PROSER1: variants seen among roughly 807,000 people sequenced by gnomAD.
PROSER1 encodes proline and serine rich 1.
PROSER1 carries 36 observed loss-of-function variants against 71.8 expected under a neutral mutation model. The ratio of observed to expected loss-of-function variants is 0.50; its 90% confidence interval spans 0.38 to 0.66. The LOEUF (loss-of-function observed/expected upper bound fraction) is 0.66. PROSER1 is among the 30% of genes least tolerant of loss of function. The pLI, the probability that PROSER1 is intolerant of heterozygous loss-of-function variation, is 0.00. For synonymous variants in PROSER1, 490 were observed against 452.4 expected, an observed-to-expected ratio of 1.08 and a Z score of -1.06; for missense variants, 1,107 against 1,135.0, an observed-to-expected ratio of 0.98 and a Z score of 0.35.
chr13:39,034,298 G>A, intron 1 of PROSER1, 102 bp from the exon 2 acceptor site: 1 of 842,650 alleles, frequency 1.2e-6, no homozygotes, highest in Non-Finnish European at 1.8e-6. Flanking sequence ...ACTCAACAGT[G>A]GCAGGTCTAC....
chr13:39,022,963 T>G, intron 8 of PROSER1, 89 bp downstream of exon 8: 1 of 1,086,222 alleles, frequency 9.2e-7, no homozygotes, highest in South Asian at 1.4e-5. Flanking sequence ...TGCTACAGAT[T>G]TGCCAACCAC....
chr13:39,035,952 A>G (rs1376125547), intron 1 of PROSER1, among the ~76,000 whole-genome samples: 2 of 152,242 alleles, frequency 1.3e-5, no homozygotes, highest in Admixed American at 1.3e-4. Flanking sequence ...TGTGAACAAC[A>G]CTTTCATATC....
chr13:39,023,016 A>G, intron 8 of PROSER1, 36 bp downstream of exon 8: 2 of 1,554,648 alleles, frequency 1.3e-6, no homozygotes, highest in Non-Finnish European at 1.8e-6. Flanking sequence ...AAACAGCAAA[A>G]AAGAAAAACA....
At chr13:39,015,305 C>G (rs1869957186) in intron 10 of PROSER1, among the ~76,000 whole-genome samples, 1 of 152,018 alleles carries the variant, frequency 6.6e-6, no homozygotes, top group Admixed American at 6.6e-5. Context: ...ATGTGGGCTC[C>G]CCTCTGAATG....
At chr13:39,016,880 T>C (rs1045106227) in intron 10 of PROSER1, among the ~76,000 whole-genome samples, 12 of 152,218 alleles carry the variant, frequency 7.9e-5, no homozygotes, top group Non-Finnish European at 1.2e-4. Context: ...GCTATTGTGC[T>C]ACTTTGCTAA....
rs1295510466 is a variant in PROSER1 at position 39,010,728 on chromosome 13, T to C, written c.*637A>G. Reference sequence around the variant, plus strand: ...TTCTATAAGGATGCAGTTCTGGATATATACTTTCAGTTGAAAACACCTGAA... The same window carrying C: ...TTCTATAAGGATGCAGTTCTGGATACATACTTTCAGTTGAAAACACCTGAA... On this transcript the variant is annotated 3_prime_UTR_variant, in exon 13 of 13. Transcript: ENST00000352251. 1 of 152,690 alleles carries C rather than the reference T, an allele frequency of 6.5e-6. No homozygotes were observed. The highest frequency in any genetic ancestry group is 1.5e-5 in the Non-Finnish European group (1 of 68,070). The allele number at this position is 152,690 out of a possible 1,614,324, so 9.5% of individuals were successfully genotyped here. A position where few individuals can be genotyped will look rare whatever the true frequency, so the allele number is the denominator to read the frequency against.
Position 39,029,303 on chromosome 13 carries a change from C to T in PROSER1, c.253G>A (p.Val85Ile). ...TACGAGGCTAACAGTTCAAGAGCAA[C>T]TAGTTTGTCTTTACTGAAAGTGAAA... is the stretch of plus-strand genomic sequence containing the variant. ...NCFTFSKDKL[V>I]ALELLASNII... The change falls in exon 4 of 13, where the codon GTT (valine) becomes ATT (isoleucine). Residue 85 changes from valine to isoleucine, a missense_variant. Val to Ile is a conservative substitution (Grantham distance 29, BLOSUM62 3). Coordinates refer to ENST00000352251, the MANE Select transcript of PROSER1 (RefSeq NM_025138.5). 7.5e-7 allele frequency: 1 copy of T among 1,342,094 alleles called. No homozygotes were observed. The highest frequency in any genetic ancestry group is 1.9e-4 in the Middle Eastern group (1 of 5,130). The allele number at this position is 1,342,094 out of a possible 1,614,324, so 83.1% of individuals were successfully genotyped here.
At chr13:39,026,780 T>G (rs1870565634) in intron 5 of PROSER1, among the ~76,000 whole-genome samples, 1 of 152,150 alleles carries the variant, frequency 6.6e-6, no homozygotes, top group East Asian at 1.9e-4. Context: ...AGAAACATGG[T>G]CCCTGCTCTT....
chr13:39,014,378 T>C lies in PROSER1; in HGVS notation c.874A>G (p.Ile292Val). Reference sequence around the variant, plus strand: ...GCTGCTGATGCTGATGGATGATTAATTGCCTTGACTGGGGATGCAGTAGGA... The same window carrying C: ...GCTGCTGATGCTGATGGATGATTAACTGCCTTGACTGGGGATGCAGTAGGA... ...PVPTASPVKA[I>V]NHPSASAAAT... Residue 292 changes from isoleucine to valine, a missense_variant, in exon 11 of 13, where the codon ATT (isoleucine) becomes GTT (valine). Physicochemically the swap from Ile to Val is conservative, Grantham distance 29. Transcript: ENST00000352251. The C allele has an allele frequency of 6.2e-7, 1 of 1,613,978 alleles. No individual in the cohort carries two copies. The highest frequency in any genetic ancestry group is 2.2e-5 in the East Asian group (1 of 44,868).
intron 3 of PROSER1, 38 bp downstream of exon 3, chr13:39,031,525 T>G: frequency 2.8e-6 from 4 of 1,438,270 alleles, no homozygotes; most frequent in East Asian, 2.3e-5. Flanking sequence ...TAAAAATACT[T>G]AAATTCTACG....
At chr13:39,027,108 T>C (rs943388883) in intron 5 of PROSER1, among the ~76,000 whole-genome samples, 1 of 152,100 alleles carries the variant, frequency 6.6e-6, no homozygotes, top group Non-Finnish European at 1.5e-5. Flanking sequence ...ATATATATAT[T>C]CACAAGTATG....
At chr13:39,035,523 C>T (rs1871058243) in intron 1 of PROSER1, among the ~76,000 whole-genome samples, 1 of 152,208 alleles carries the variant, frequency 6.6e-6, no homozygotes, top group African/African-American at 2.4e-5. Flanking sequence ...CAAATAATGA[C>T]TGGAGAAAGT....
At chr13:39,035,709 T>C (rs1292894560) in intron 1 of PROSER1, among the ~76,000 whole-genome samples, 7 of 152,216 alleles carry the variant, frequency 4.6e-5, no homozygotes, top group Admixed American at 4.6e-4. Flanking sequence ...ATCAGTATTA[T>C]CTATCATATA....
At position 39,014,428 on chromosome 13, in the gene PROSER1, G is replaced by A. The variant is rs141612774; in HGVS notation, c.824C>T (p.Pro275Leu). The A allele has an allele frequency of 4.3e-5, 70 of 1,613,772 alleles. 1 individual carries two copies. In the African/African-American group the frequency reaches 8.6e-4, roughly 20 times the overall value. The change falls in exon 11 of 13, where the codon CCT becomes CTT. Residue 275 changes from proline (P) to leucine (L), a missense_variant. Physicochemically the swap from Pro to Leu is moderately conservative, Grantham distance 98. Transcript: ENST00000352251. ...SQLFSPHGSNPSTPAATPVPT... is the reference protein window; with the variant it reads ...SQLFSPHGSNLSTPAATPVPT... ...AACAGGAGTTGCAGCAGGTGTTGAA[G>A]GATTAGAACCATGAGGAGAAAAGAG... is the stretch of plus-strand genomic sequence containing the variant.
chr13:39,014,784 AT>A (rs1438906909), intron 10 of PROSER1, among the ~76,000 whole-genome samples: 4 of 152,170 alleles, frequency 2.6e-5, no homozygotes, highest in African/African-American at 9.7e-5. Context: ...ATTTATTTTA[AT>A]TGTGATTAGT....
In PROSER1 at chr13:39,024,579, G is replaced by GT. The variant is rs1181001324; in HGVS notation, c.481-24dup. On this transcript the variant is annotated intron_variant, in intron 6 of 12. Coordinates refer to ENST00000352251, the MANE Select transcript of PROSER1 (RefSeq NM_025138.5). The stretch of plus-strand genomic sequence containing the variant: ...TCCCTATTAAAAAAAAAAAAAAAAG[G>GT]TAATTGAAACTTAAAAAAAAAACCC... The GT allele has an allele frequency of 2.3e-6, 3 of 1,324,314 alleles. No individual in the cohort carries two copies. The East Asian group carries it at 7.3e-5, about 32-fold the overall frequency. 82.0% of individuals were successfully genotyped at this position (1,324,314 alleles called of 1,614,324 possible).
In PROSER1 at chr13:39,013,086, T is replaced by C; in HGVS notation, c.2166A>G (p.Pro722=). Residue 722 remains proline (P), a synonymous_variant, in exon 11 of 13, where the codon CCA becomes CCG. Transcript: ENST00000352251. ...TAGATGAGGTGGCTATTAATGACCC[T>C]GGGAGAGATACTGACGGATTAAGAG... The part of the protein sequence containing the change: ...NPSLNPSVSL[P]GSLIATSSTA... The C allele has an allele frequency of 1.2e-6, 2 of 1,614,082 alleles. No individual in the cohort carries two copies. The highest frequency in any genetic ancestry group is 1.1e-5 in the South Asian group (1 of 91,068).
At chr13:39,020,913 A>C (rs1031785796) in intron 9 of PROSER1, among the ~76,000 whole-genome samples, 1 of 152,106 alleles carries the variant, frequency 6.6e-6, no homozygotes, top group Non-Finnish European at 1.5e-5. Flanking sequence ...CTTCCTCTCC[A>C]TGGTAGGCAT....
At chr13:39,032,434 AC>A (rs1416191851) in intron 2 of PROSER1, among the ~76,000 whole-genome samples, 4 of 152,068 alleles carry the variant, frequency 2.6e-5, no homozygotes, top group African/African-American at 9.7e-5. Context: ...GATCACCACC[AC>A]CCTGTTTGAC....
Sources: allele counts gnomAD v4.1 joint callset (sites outside exome capture counted in the v4.1 genomes callset), GRCh38; gene constraint gnomAD v4.1.1; transcripts MANE v1.5; gene names NCBI Gene and HGNC (gene_info 2026-07-23, HGNC 2026-07-21).